Variants in ELMO1 observed in about 807,000 individuals in gnomAD.
ELMO1 encodes the protein engulfment and cell motility protein 1.
A neutral mutation model predicts 98.9 loss-of-function variants in ELMO1; 26 were observed. The ratio of observed to expected loss-of-function variants is 0.26; its 90% CI spans 0.19 to 0.36. The LOEUF is 0.36. Among genes scored for constraint, ELMO1 ranks in the 10% least tolerant of loss-of-function variants. The pLI is 1.00. For synonymous variants in ELMO1, 346 were observed against 346.0 expected, an observed-to-expected ratio of 1.00 and a Z score of 0.00; for missense variants, 627 against 935.2, an observed-to-expected ratio of 0.67 and a Z score of 4.30.
chr7:37,075,116 C>T (rs7455242), intron 15 of ELMO1, among the ~76,000 whole-genome samples: 14,611 of 151,472 alleles, frequency 0.096, 793 homozygotes, highest in Middle Eastern at 0.19. Context: ...ATGGCTTTTA[C>T]GTAGATAGTA....
chr7:37,257,167 T>C (rs1795709656), intron 6 of ELMO1, among the ~76,000 whole-genome samples: 2 of 152,164 alleles, frequency 1.3e-5, no homozygotes, highest in Admixed American at 6.5e-5. Context: ...CCCGCCTGGC[T>C]CCTGACGCTC....
chr7:37,287,039 A>T (rs751480964), intron 4 of ELMO1, among the ~76,000 whole-genome samples: 3 of 152,096 alleles, frequency 2.0e-5, no homozygotes, highest in Non-Finnish European at 4.4e-5. Context: ...CTAAAAATAC[A>T]AAAATTAGCC....
intron 14 of ELMO1, among the ~76,000 whole-genome samples, chr7:37,102,645 T>C (rs1303680526): frequency 6.6e-6 from 1 of 152,236 alleles, no homozygotes; most frequent in Non-Finnish European, 1.5e-5. Flanking sequence ...TGAAGGGCTT[T>C]GTACAGATTG....
chr7:36,868,807 C>T (rs2129038959), intron 20 of ELMO1, among the ~76,000 whole-genome samples: 1 of 152,292 alleles, frequency 6.6e-6, no homozygotes, highest in African/African-American at 2.4e-5. Flanking sequence ...GTACACCCTT[C>T]CTGGTCTTCT....
intron 15 of ELMO1, among the ~76,000 whole-genome samples, chr7:37,078,337 T>C (rs1185698592): frequency 6.6e-6 from 1 of 152,180 alleles, no homozygotes; most frequent in Non-Finnish European, 1.5e-5. Flanking sequence ...AATCCCTATC[T>C]ATAAATCTCT....
At chr7:37,358,556 T>C (rs1337779096) in intron 1 of ELMO1, among the ~76,000 whole-genome samples, 1 of 152,178 alleles carries the variant, frequency 6.6e-6, no homozygotes, top group Non-Finnish European at 1.5e-5. Context: ...GGGTACAGAT[T>C]CTGGGGCCTA....
rs540836083 is a variant in ELMO1 at position 37,170,751 on chromosome 7, C to T, written c.1087-37517G>A. On this transcript the variant is annotated intron_variant, in intron 13 of 21. Coordinates refer to ENST00000310758, the MANE Select transcript of ELMO1 (RefSeq NM_014800.11). ...CCTCGCAAGTAGCTGGGATTACAGGCATGTGCCACCTTGCTGGGCTAATTT... is the reference window on the plus strand; with the variant it reads ...CCTCGCAAGTAGCTGGGATTACAGGTATGTGCCACCTTGCTGGGCTAATTT... Among the ~76,000 whole-genome samples, 12 of 151,986 alleles carry T rather than the reference C, an allele frequency of 7.9e-5. No homozygotes were observed. In the South Asian group the frequency reaches 2.1e-3, roughly 26 times the overall value.
chr7:37,057,974 A>G (rs371476741), intron 15 of ELMO1, among the ~76,000 whole-genome samples: 3 of 152,312 alleles, frequency 2.0e-5, no homozygotes, highest in African/African-American at 7.2e-5. Context: ...TATTAACCCT[A>G]AAGAACTTGG....
At chr7:37,426,138 CTTTCTT>C (rs1804691093) in intron 1 of ELMO1, among the ~76,000 whole-genome samples, 3 of 97,152 alleles carry the variant, frequency 3.1e-5, no homozygotes, top group African/African-American at 1.2e-4. Context: ...CTCTTTTTTT[CTTTCTT>C]TTTTTTTTTT....
intron 1 of ELMO1, among the ~76,000 whole-genome samples, chr7:37,438,606 A>C (rs1343488344): frequency 6.6e-6 from 1 of 152,110 alleles, no homozygotes; most frequent in African/African-American, 2.4e-5. Flanking sequence ...TCTCAAAAAA[A>C]AAAACACTAC....
chr7:36,917,899 T>C (rs921050603), intron 16 of ELMO1, among the ~76,000 whole-genome samples: 1 of 151,868 alleles, frequency 6.6e-6, no homozygotes, highest in African/African-American at 2.4e-5. Context: ...ATTATGCAAA[T>C]GTGGGAAGTT....
intron 16 of ELMO1, among the ~76,000 whole-genome samples, chr7:37,010,426 G>A (rs563300540): frequency 2.6e-5 from 4 of 152,312 alleles, no homozygotes; most frequent in African/African-American, 9.6e-5. Context: ...TTTAAGATGG[G>A]AAGATGATGC....
intron 4 of ELMO1, among the ~76,000 whole-genome samples, chr7:37,305,176 C>T (rs147982878): frequency 6.6e-6 from 1 of 152,080 alleles, no homozygotes; most frequent in Non-Finnish European, 1.5e-5. Flanking sequence ...GGATCTTAGC[C>T]TAGGGTGAAA....
At chr7:36,883,055 T>C (rs978345365) in intron 18 of ELMO1, among the ~76,000 whole-genome samples, 14 of 152,242 alleles carry the variant, frequency 9.2e-5, no homozygotes, top group South Asian at 4.1e-4. Context: ...ATGGTTACCA[T>C]GCCTGAACGC....
chr7:37,337,308 T>C (rs1800465780), intron 2 of ELMO1, among the ~76,000 whole-genome samples: 1 of 151,588 alleles, frequency 6.6e-6, no homozygotes, highest in South Asian at 2.1e-4. Context: ...TTCTCACTCA[T>C]AGGTGGGAAT....
intron 1 of ELMO1, chr7:37,375,587 G>A: frequency 9.0e-7 from 1 of 1,117,276 alleles, no homozygotes; most frequent in Non-Finnish European, 1.4e-6. Flanking sequence ...GAGTCATGGT[G>A]GCCAAGAAGG....
chr7:36,907,177 C>T (rs1784024794), intron 16 of ELMO1, among the ~76,000 whole-genome samples: 1 of 151,956 alleles, frequency 6.6e-6, no homozygotes, highest in Non-Finnish European at 1.5e-5. Flanking sequence ...GGCAAGTCTT[C>T]ATGAAGGCCA....
chr7:37,373,170 G>C (rs753090199), intron 1 of ELMO1, among the ~76,000 whole-genome samples: 1 of 152,176 alleles, frequency 6.6e-6, no homozygotes, highest in Non-Finnish European at 1.5e-5. Context: ...AGCAGAGGTC[G>C]GTTCTGGGAA....
intron 16 of ELMO1, among the ~76,000 whole-genome samples, chr7:36,900,820 G>A (rs78931917): frequency 6.6e-6 from 1 of 152,148 alleles, no homozygotes. Context: ...TGACTCATGT[G>A]GGGGAGACTT....
Sources: gnomAD v4.1 joint callset for allele counts (sites outside exome capture counted in the v4.1 genomes callset) on GRCh38, gnomAD v4.1.1 for gene constraint, MANE v1.5 for transcripts, NCBI Gene and HGNC (gene_info 2026-07-23, HGNC 2026-07-21) for gene names.